PPP2R2B: variants seen among roughly 807,000 people sequenced by gnomAD.
PPP2R2B encodes protein phosphatase 2 regulatory subunit Bbeta, also known as serine/threonine-protein phosphatase 2A 55 kDa regulatory subunit B beta isoform.
A neutral mutation model predicts 46.0 loss-of-function variants in PPP2R2B; 5 were observed. That is an observed-to-expected ratio of 0.11 (90% confidence interval 0.06 to 0.23). The LOEUF (loss-of-function observed/expected upper bound fraction) is 0.23. Among genes scored for constraint, PPP2R2B ranks in the 10% least tolerant of loss-of-function variants. The pLI is 1.00. For missense variants in PPP2R2B, 367 were observed against 575.0 expected, an observed-to-expected ratio of 0.64 and a Z score of 3.70; for synonymous variants, 215 against 206.7, an observed-to-expected ratio of 1.04 and a Z score of -0.34.
chr5:146,789,925 C>G (rs1360409455), intron 2 of PPP2R2B, among the ~76,000 whole-genome samples: 2 of 152,124 alleles, frequency 1.3e-5, no homozygotes, highest in African/African-American at 2.4e-5. Flanking sequence ...ATCAGGGAGA[C>G]AGAGAACATA....
At chr5:147,016,752 T>C (rs368259580) in intron 1 of PPP2R2B, among the ~76,000 whole-genome samples, 76 of 151,686 alleles carry the variant, frequency 5.0e-4, no homozygotes, top group African/African-American at 1.7e-3. Flanking sequence ...GGCAAGAGAA[T>C]GGGCATTCTA....
chr5:146,856,615 C>T, intron 2 of PPP2R2B: 1 of 1,499,020 alleles, frequency 6.7e-7, no homozygotes, highest in Non-Finnish European at 9.3e-7. Context: ...GATCCAGACT[C>T]CAGGAGGTAG....
At chr5:146,896,734 C>T (rs1762657068) in intron 1 of PPP2R2B, among the ~76,000 whole-genome samples, 1 of 151,828 alleles carries the variant, frequency 6.6e-6, no homozygotes, top group Admixed American at 6.6e-5. Context: ...GAACATTACA[C>T]ACCTACACAC....
In PPP2R2B at chr5:146,973,974, T is replaced by C. The variant is rs1404521827; in HGVS notation, c.79+81691A>G. Reference sequence around the variant, plus strand: ...CCTAGGCCCATCCTTCTTTAAAATCTGCAGAAATAATCTGGAGGCAGATGA... The same window carrying C: ...CCTAGGCCCATCCTTCTTTAAAATCCGCAGAAATAATCTGGAGGCAGATGA... On this transcript the variant is annotated intron_variant, in intron 1 of 8. Transcript: ENST00000336640. 6.6e-5 allele frequency among the ~76,000 whole-genome samples: 10 copies of C among 152,240 alleles called. No homozygotes were observed. The South Asian group carries it at 1.4e-3, about 22-fold the overall frequency.
intron 2 of PPP2R2B, among the ~76,000 whole-genome samples, chr5:146,873,164 G>C (rs1401406048): frequency 3.3e-5 from 5 of 152,122 alleles, no homozygotes; most frequent in Non-Finnish European, 5.9e-5. Flanking sequence ...AAAATTCTGG[G>C]AGTTGTCCTT....
chr5:146,671,417 G>A (rs569420093), intron 5 of PPP2R2B, among the ~76,000 whole-genome samples: 53 of 152,268 alleles, frequency 3.5e-4, no homozygotes, highest in South Asian at 2.1e-4. Context: ...AATAGAGCTG[G>A]GATTCCTGTC....
chr5:146,788,904 C>T (rs1028371195), intron 2 of PPP2R2B, among the ~76,000 whole-genome samples: 5 of 152,190 alleles, frequency 3.3e-5, no homozygotes, highest in African/African-American at 9.7e-5. Context: ...ACCTTAGCAT[C>T]AGCAAATCAA....
intron 6 of PPP2R2B, among the ~76,000 whole-genome samples, chr5:146,639,435 G>C (rs766046569): frequency 9.2e-5 from 14 of 151,988 alleles, no homozygotes; most frequent in Non-Finnish European, 1.8e-4. Flanking sequence ...TATTTATGAA[G>C]GTGACTCAAT....
intron 1 of PPP2R2B, among the ~76,000 whole-genome samples, chr5:146,891,797 C>T (rs1762499158): frequency 6.6e-6 from 1 of 152,088 alleles, no homozygotes; most frequent in South Asian, 2.1e-4. Flanking sequence ...GATCAGAATA[C>T]CTAACCTAGG....
chr5:146,656,094 G>A (rs144171439), intron 5 of PPP2R2B, among the ~76,000 whole-genome samples: 1,785 of 152,248 alleles, frequency 0.012, 23 homozygotes, highest in Non-Finnish European at 0.015. Flanking sequence ...TCTAGGGACC[G>A]GTGCCACAAC....
chr5:146,808,419 C>T (rs1288548350), intron 2 of PPP2R2B, among the ~76,000 whole-genome samples: 1 of 152,146 alleles, frequency 6.6e-6, no homozygotes, highest in Non-Finnish European at 1.5e-5. Flanking sequence ...TATCACTGGC[C>T]TTGTTCTGTG....
At chr5:146,931,997 A>ATGG (rs1763985029) in intron 1 of PPP2R2B, among the ~76,000 whole-genome samples, 3 of 152,160 alleles carry the variant, frequency 2.0e-5, no homozygotes, top group African/African-American at 7.2e-5. Context: ...CATCAGCAAT[A>ATGG]ATCTGAAATA....
intron 2 of PPP2R2B, among the ~76,000 whole-genome samples, chr5:146,828,659 T>C (rs1260778361): frequency 6.6e-6 from 1 of 152,196 alleles, no homozygotes; most frequent in Non-Finnish European, 1.5e-5. Context: ...ACAAAAAGGA[T>C]GATCTTTTTC....
At chr5:147,027,902 C>T (rs953089203) in intron 1 of PPP2R2B, among the ~76,000 whole-genome samples, 67 of 152,184 alleles carry the variant, frequency 4.4e-4, no homozygotes, top group African/African-American at 1.6e-3. Flanking sequence ...CTCTTTTGGG[C>T]GATGAGAGAT....
chr5:146,870,936 A>G (rs1000447931), intron 2 of PPP2R2B, among the ~76,000 whole-genome samples: 11 of 152,236 alleles, frequency 7.2e-5, no homozygotes, highest in Non-Finnish European at 1.2e-4. Flanking sequence ...AACATTAACA[A>G]TTAATATTTC....
chr5:147,030,741 A>C lies in PPP2R2B; in HGVS notation c.79+24924T>G, dbSNP rs145900995. Reference sequence around the variant, plus strand: ...TACTACTTCCCCGAAAGTCTAAGAGAGCTTAATAACTTTAACTCCCTTAAT... The same window carrying C: ...TACTACTTCCCCGAAAGTCTAAGAGCGCTTAATAACTTTAACTCCCTTAAT... On this transcript the variant is annotated intron_variant, in intron 1 of 8. Coordinates refer to the PPP2R2B transcript ENST00000336640. Among the ~76,000 whole-genome samples the C allele has an allele frequency of 6.6e-3, 1,001 of 152,266 alleles. 12 individuals are homozygous for C. The highest frequency in any genetic ancestry group is 0.023 in the African/African-American group (956 of 41,554).
chr5:146,782,562 C>T (rs1362871530), intron 2 of PPP2R2B, among the ~76,000 whole-genome samples: 1 of 152,170 alleles, frequency 6.6e-6, no homozygotes, highest in Non-Finnish European at 1.5e-5. Context: ...TTTCTGTTTG[C>T]TCTCTCTTGA....
chr5:146,731,422 G>A (rs948362462), intron 2 of PPP2R2B, among the ~76,000 whole-genome samples: 2 of 152,168 alleles, frequency 1.3e-5, no homozygotes, highest in African/African-American at 4.8e-5. Context: ...TATTTTGCAA[G>A]AGACCTTAAC....
chr5:146,893,799 G>T (rs911399747), intron 1 of PPP2R2B, among the ~76,000 whole-genome samples: 2 of 150,924 alleles, frequency 1.3e-5, no homozygotes, highest in Non-Finnish European at 2.9e-5. Context: ...GTTGATAGGT[G>T]CAGCAAACCG....
Sources: allele counts gnomAD v4.1 joint callset (sites outside exome capture counted in the v4.1 genomes callset), GRCh38; gene constraint gnomAD v4.1.1; transcripts MANE v1.5; gene names NCBI Gene and HGNC (gene_info 2026-07-23, HGNC 2026-07-21).